The following PLCG2 variants were observed in gnomAD, a reference collection of about 807,000 sequenced individuals.
The protein encoded by PLCG2 is phospholipase C gamma 2, also known as 1-phosphatidylinositol 4,5-bisphosphate phosphodiesterase gamma-2.
A neutral mutation model predicts 175.6 loss-of-function variants in PLCG2; 69 were observed. That is an observed-to-expected ratio of 0.39 (90% CI 0.32 to 0.48). The LOEUF is 0.48. PLCG2 is among the 20% of genes least tolerant of loss of function. The pLI is 0.91. For synonymous variants in PLCG2, 827 were observed against 624.0 expected, an observed-to-expected ratio of 1.33 and a Z score of -4.85; for missense variants, 1,798 against 1,650.9, an observed-to-expected ratio of 1.09 and a Z score of -1.54.
At chr16:81,844,600 G>T (rs965278420) in intron 2 of PLCG2, among the ~76,000 whole-genome samples, 1 of 152,210 alleles carries the variant, frequency 6.6e-6, no homozygotes, top group Non-Finnish European at 1.5e-5. Flanking sequence ...GGGATTACCG[G>T]CGTGAGCCAC....
At chr16:81,822,618 A>C (rs1172240094) in intron 2 of PLCG2, among the ~76,000 whole-genome samples, 1 of 152,060 alleles carries the variant, frequency 6.6e-6, no homozygotes, top group Non-Finnish European at 1.5e-5. Flanking sequence ...TTAACTGGGC[A>C]TGGTGGCGTG....
chr16:81,859,966 C>T (rs931267307), intron 5 of PLCG2, among the ~76,000 whole-genome samples: 46 of 152,012 alleles, frequency 3.0e-4, no homozygotes, highest in African/African-American at 9.4e-4. Context: ...AGCTCTATGA[C>T]GGACTATTAT....
chr16:81,796,534 T>A (rs1044487165), intron 2 of PLCG2, among the ~76,000 whole-genome samples: 1 of 152,200 alleles, frequency 6.6e-6, no homozygotes, highest in African/African-American at 2.4e-5. Context: ...ACGGATTGAA[T>A]TGTCCTTACC....
In PLCG2 at chr16:81,927,103, C is replaced by T. The variant is rs1213966459; in HGVS notation, c.2439C>T (p.Thr813=). ...PGGWWKGDYG[T]RIQQYFPSNY... is the part of the protein sequence containing the mutation. ...CCAGGTGGAAAGGAGACTATGGAAC[C>T]AGGATCCAGCAGTACTTCCCATCCA... is the stretch of plus-strand genomic sequence containing the variant. Residue 813 remains threonine, a synonymous_variant, in exon 23 of 33, where the codon ACC becomes ACT. Transcript: ENST00000564138. The T allele has an allele frequency of 6.2e-7, 1 of 1,613,368 alleles. No individual in the cohort carries two copies. The highest frequency in any genetic ancestry group is 1.7e-5 in the Admixed American group (1 of 60,014).
intron 2 of PLCG2, among the ~76,000 whole-genome samples, chr16:81,763,748 C>A (rs943459845): frequency 6.6e-6 from 1 of 151,928 alleles, no homozygotes; most frequent in East Asian, 1.9e-4. Flanking sequence ...GGGTGGATCA[C>A]CTGAGGTCTG....
chr16:81,816,838 G>T (rs4889405), intron 2 of PLCG2, among the ~76,000 whole-genome samples: 1 of 151,824 alleles, frequency 6.6e-6, no homozygotes, highest in East Asian at 1.9e-4. Context: ...CTGATGTCCA[G>T]AAGCAAGAAC....
At chr16:81,748,404 A>T (rs572608758) in intron 1 of PLCG2, among the ~76,000 whole-genome samples, 141 of 138,030 alleles carry the variant, frequency 1.0e-3, no homozygotes, top group African/African-American at 3.4e-3. Context: ...TTAAAAAATT[A>T]AAAAAAAAAA....
chr16:81,805,054 AG>A (rs1911931172), intron 2 of PLCG2, among the ~76,000 whole-genome samples: 1 of 152,220 alleles, frequency 6.6e-6, no homozygotes, highest in South Asian at 2.1e-4. Context: ...CAAAGTTTTC[AG>A]AGGAACAACA....
Position 81,822,939 on chromosome 16 carries a change from G to A in PLCG2, c.194-31505G>A, listed in dbSNP as rs370736749. On this transcript the variant is annotated intron_variant, in intron 2 of 32. Coordinates refer to ENST00000564138, the MANE Select transcript of PLCG2 (RefSeq NM_002661.5). ...ATGGCCAGGAAGCAGGTTTTCCCTC[G>A]GAGCCTCCAGAAGGAGCCAGTGCTG... Among the ~76,000 whole-genome samples the A allele has an allele frequency of 9.9e-5, 15 of 152,260 alleles. 1 individual carries two copies. The highest frequency in any genetic ancestry group is 3.4e-4 in the African/African-American group (14 of 41,556).
In PLCG2 at chr16:81,893,610, C is replaced by T. The variant is rs192375779; in HGVS notation, c.987-99C>T. On this transcript the variant is annotated intron_variant, in intron 11 of 32. Transcript: ENST00000564138. ...GGAAGAACTCAGAGCTTTGGCGGCTCGGGCGGAGAAGTTCCCCCACAACAC... is the reference window on the plus strand; with the variant it reads ...GGAAGAACTCAGAGCTTTGGCGGCTTGGGCGGAGAAGTTCCCCCACAACAC... The T allele has an allele frequency of 3.5e-4, 253 of 732,186 alleles. No individual in the cohort carries two copies. The African/African-American group carries it at 3.6e-3, about 10-fold the overall frequency. 45.4% of individuals were successfully genotyped at this position (732,186 alleles called of 1,614,324 possible). A position where few individuals can be genotyped will look rare whatever the true frequency, so the allele number is the denominator to read the frequency against.
At chr16:81,941,438 G>T (rs895244870) in intron 30 of PLCG2, among the ~76,000 whole-genome samples, 1 of 152,188 alleles carries the variant, frequency 6.6e-6, no homozygotes. Context: ...TCCCCAGATG[G>T]TGCTTGGATG....
In PLCG2 at chr16:81,900,495, G is replaced by C. The variant is rs538402602; in HGVS notation, c.1194-117G>C. The C allele has an allele frequency of 7.1e-4, 587 of 827,776 alleles. 10 individuals are homozygous for C. The East Asian group carries it at 0.017, about 24-fold the overall frequency. The allele number at this position is 827,776 out of a possible 1,614,324, so 51.3% of individuals were successfully genotyped here. A position where few individuals can be genotyped will look rare whatever the true frequency, so the allele number is the denominator to read the frequency against. The stretch of plus-strand genomic sequence containing the variant: ...CTGGGAGGGCAGATGTGGGGGTTGT[G>C]CCCCCCGAGCAGCGCCCGGTTTCTG... On this transcript the variant is annotated intron_variant, in intron 13 of 32. Transcript: ENST00000564138.
At chr16:81,921,127 A>G in intron 20 of PLCG2, 71 bp from the exon 21 acceptor site, 1 of 934,892 alleles carries the variant, frequency 1.1e-6, no homozygotes, top group Non-Finnish European at 1.7e-6. Flanking sequence ...GAAGCCTAGA[A>G]CCCTTGTTAT....
chr16:81,914,381 G>C (rs886284611), intron 19 of PLCG2, among the ~76,000 whole-genome samples: 3 of 152,156 alleles, frequency 2.0e-5, no homozygotes, highest in Non-Finnish European at 4.4e-5. Flanking sequence ...AGAAAGGATG[G>C]CCCCCTCCCT....
At chr16:81,780,325 A>T (rs1910672836) in intron 1 of PLCG2, among the ~76,000 whole-genome samples, 1 of 152,130 alleles carries the variant, frequency 6.6e-6, no homozygotes, top group African/African-American at 2.4e-5. Context: ...TGTGTCGAGA[A>T]TTGGGGCTTA....
intron 2 of PLCG2, among the ~76,000 whole-genome samples, chr16:81,823,919 C>T (rs1567482944): frequency 6.6e-6 from 1 of 150,426 alleles, no homozygotes; most frequent in Non-Finnish European, 1.5e-5. Flanking sequence ...TTCCTTCCAT[C>T]CTTTCTTCCT....
At chr16:81,910,393 C>T in intron 17 of PLCG2, 127 bp from the exon 18 acceptor site, 2 of 812,520 alleles carry the variant, frequency 2.5e-6, no homozygotes, top group Non-Finnish European at 2.0e-6. Flanking sequence ...GCCCAGCCTC[C>T]TGTGTCTGTT....
chr16:81,946,083 C>T (rs532689222), intron 30 of PLCG2, 92 bp from the exon 31 acceptor site: 69 of 912,400 alleles, frequency 7.6e-5, no homozygotes, highest in Non-Finnish European at 1.1e-4. Flanking sequence ...ACCCTTTGAA[C>T]TAGGCCTATG....
intron 2 of PLCG2, among the ~76,000 whole-genome samples, chr16:81,830,503 C>T (rs1228743505): frequency 2.6e-5 from 4 of 151,980 alleles, no homozygotes; most frequent in African/African-American, 9.7e-5. Flanking sequence ...GACAGGATTT[C>T]ACCACGTTGG....
Sources: allele counts gnomAD v4.1 joint callset (sites outside exome capture counted in the v4.1 genomes callset), GRCh38; gene constraint gnomAD v4.1.1; transcripts MANE v1.5; gene names NCBI Gene and HGNC (gene_info 2026-07-23, HGNC 2026-07-21).